Variants in ZNF564 observed in about 807,000 individuals in gnomAD.
ZNF564 encodes zinc finger protein 564.
A neutral mutation model predicts 10.5 loss-of-function variants in ZNF564; 5 were observed. The ratio of observed to expected loss-of-function variants is 0.48; its 90% CI spans 0.25 to 1.00. The LOEUF is 1.00. ZNF564 is among the 50% of genes least tolerant of loss of function. The pLI is 0.16. For missense variants in ZNF564, 603 were observed against 669.7 expected (o/e 0.90, Z 1.10); for synonymous variants, 242 against 218.1 (o/e 1.11, Z -0.97).
chr19:12,530,284 C>T (rs992672845), intron 1 of ZNF564: 1 of 152,156 alleles, frequency 6.6e-6, no homozygotes, highest in Non-Finnish European at 1.5e-5. Flanking sequence ...TTGTTATAGA[C>T]TCACTGATTC....
At chr19:12,537,318 A>G (rs2021935121) in intron 1 of ZNF564, among the ~76,000 whole-genome samples, 1 of 152,208 alleles carries the variant, frequency 6.6e-6, no homozygotes, top group South Asian at 2.1e-4. Context: ...TATATACTGA[A>G]CATGTACAGA....
intron 1 of ZNF564, among the ~76,000 whole-genome samples, chr19:12,543,692 A>C (rs1271841358): frequency 6.6e-6 from 1 of 151,546 alleles, no homozygotes; most frequent in East Asian, 1.9e-4. Flanking sequence ...AAAAAAAAAA[A>C]AAAACAACTG....
At chr19:12,544,449 C>T (rs1342178485) in intron 1 of ZNF564, among the ~76,000 whole-genome samples, 1 of 152,162 alleles carries the variant, frequency 6.6e-6, no homozygotes, top group Non-Finnish European at 1.5e-5. Flanking sequence ...ATGGCTTTAA[C>T]TTTCTCATAC....
intron 1 of ZNF564, chr19:12,548,723 T>C: frequency 1.4e-6 from 1 of 694,024 alleles, no homozygotes; most frequent in Non-Finnish European, 2.6e-6. Context: ...TTATTGTTAC[T>C]TCCATGACAA....
At chr19:12,551,227 C>T in intron 1 of ZNF564, 103 bp downstream of exon 1, 2 of 1,363,422 alleles carry the variant, frequency 1.5e-6, no homozygotes, top group South Asian at 1.2e-5. Flanking sequence ...GGTCCCAGAC[C>T]CTGGAGTCGC....
Position 12,526,262 on chromosome 19 carries a change from C to G in ZNF564, c.*184G>C. 1 of 568,470 alleles carries G rather than the reference C, an allele frequency of 1.8e-6. No homozygotes were observed. Among genetic ancestry groups the G allele is most frequent in the Non-Finnish European group, 2.9e-6 (1 of 340,234 alleles). The allele number at this position is 568,470 out of a possible 1,614,324, so 35.2% of individuals were successfully genotyped here. On this transcript the variant is annotated 3_prime_UTR_variant, in exon 4 of 4. Coordinates refer to ENST00000339282, the MANE Select transcript of ZNF564 (RefSeq NM_144976.4). ...GGCAAAATTCTTCTTCAGCTCCGAA[C>G]CGGTGAAAACCAAACTAGTCATGTA...
At chr19:12,551,148 G>A (rs960595573) in intron 1 of ZNF564, among the ~76,000 whole-genome samples, 182 bp downstream of exon 1, 1 of 152,276 alleles carries the variant, frequency 6.6e-6, no homozygotes, top group African/African-American at 2.4e-5. Context: ...GGACGCCTGG[G>A]GTACTGGCTA....
At chr19:12,528,905 G>C (rs2021745455) in intron 1 of ZNF564, among the ~76,000 whole-genome samples, 1 of 152,096 alleles carries the variant, frequency 6.6e-6, no homozygotes, top group African/African-American at 2.4e-5. Flanking sequence ...CTCTACTACA[G>C]ATATATGAAT....
At chr19:12,528,791 T>TG (rs1355219973) in intron 1 of ZNF564, 95 bp from the exon 2 acceptor site, 1 of 1,386,734 alleles carries the variant, frequency 7.2e-7, no homozygotes, top group African/African-American at 1.5e-5. Flanking sequence ...TGGCTAGGTG[T>TG]GGTGGCTCAT....
chr19:12,545,293 AG>A (rs1478724831), intron 1 of ZNF564, among the ~76,000 whole-genome samples: 5 of 148,816 alleles, frequency 3.4e-5, no homozygotes, highest in Non-Finnish European at 7.4e-5. Context: ...GAAATGAGTG[AG>A]GGAAACATCC....
At position 12,551,364 on chromosome 19, in the gene ZNF564, C is replaced by T; in HGVS notation, c.-32G>A. ...GCTTCCAGGGTGTCCCGGGGTCCTG[C>T]CTACGGCTCTCTCCGGCCTGTGCAG... On this transcript the variant is annotated 5_prime_UTR_variant, in exon 1 of 4. Coordinates refer to ENST00000339282, the MANE Select transcript of ZNF564 (RefSeq NM_144976.4). The T allele has an allele frequency of 6.3e-7, 1 of 1,596,920 alleles. No individual in the cohort carries two copies. Among genetic ancestry groups the T allele is most frequent in the African/African-American group, 1.3e-5 (1 of 74,356 alleles).
chr19:12,530,514 G>A (rs959828266), intron 1 of ZNF564, among the ~76,000 whole-genome samples: 1 of 152,040 alleles, frequency 6.6e-6, no homozygotes, highest in Admixed American at 6.6e-5. Context: ...TACATAACAA[G>A]GTACCCTATG....
In ZNF564 at chr19:12,534,699, A is replaced by G. The variant is rs541090713; in HGVS notation, c.4-6003T>C. 4.6e-5 allele frequency among the ~76,000 whole-genome samples: 7 copies of G among 152,274 alleles called. No homozygotes were observed. The East Asian group carries it at 1.4e-3, about 29-fold the overall frequency. On this transcript the variant is annotated intron_variant, in intron 1 of 3. Coordinates refer to ENST00000339282, the MANE Select transcript of ZNF564 (RefSeq NM_144976.4). ...CATGGTGGCACATGCATGTAATCCCAGCTACTCGAGAGGCTGAAGCAGGAG... is the reference window on the plus strand; with the variant it reads ...CATGGTGGCACATGCATGTAATCCCGGCTACTCGAGAGGCTGAAGCAGGAG...
At position 12,526,467 on chromosome 19, in the gene ZNF564, C is replaced by A. The variant is rs753673731; in HGVS notation, c.1641G>T (p.Ser547=). Residue 547 remains serine (S), a synonymous_variant, in exon 4 of 4, where the codon TCG becomes TCT. Transcript: ENST00000339282. ...VGKLSFITQP[S]NTCENE is the part of the protein sequence containing the mutation. Reference sequence around the variant, plus strand: ...TCCACTATTCATTTTCACAGGTATTCGAAGGTTGTGTGATAAATGAAAGCT... The same window carrying A: ...TCCACTATTCATTTTCACAGGTATTAGAAGGTTGTGTGATAAATGAAAGCT... 2.5e-6 allele frequency: 4 copies of A among 1,598,662 alleles called. No homozygotes were observed. Among genetic ancestry groups the A allele is most frequent in the Non-Finnish European group, 3.4e-6 (4 of 1,173,612 alleles).
chr19:12,528,242 T>C, intron 3 of ZNF564, 62 bp downstream of exon 3: 1 of 1,475,562 alleles, frequency 6.8e-7, no homozygotes, highest in East Asian at 2.3e-5. Flanking sequence ...TGTTTACTTA[T>C]TTTTAAAATT....
chr19:12,545,083 A>AC (rs927907715), intron 1 of ZNF564, among the ~76,000 whole-genome samples: 8 of 151,382 alleles, frequency 5.3e-5, no homozygotes, highest in Non-Finnish European at 1.0e-4. Flanking sequence ...ACACGGAGAA[A>AC]CCCCCCGTCT....
chr19:12,542,672 AGG>A, intron 1 of ZNF564, among the ~76,000 whole-genome samples: 1 of 151,624 alleles, frequency 6.6e-6, no homozygotes, highest in Admixed American at 6.6e-5. Context: ...AAAAAAGGAA[AGG>A]AAGGAAGGAA....
Position 12,527,885 on chromosome 19 carries a change from T to C in ZNF564, c.223A>G (p.Lys75Glu). The C allele has an allele frequency of 1.2e-6, 2 of 1,609,598 alleles. No individual in the cohort carries two copies. The highest frequency in any genetic ancestry group is 1.7e-6 in the Non-Finnish European group (2 of 1,177,486). The change falls in exon 4 of 4, where the codon AAA (lysine) becomes GAA (glutamate). Residue 75 changes from lysine (K) to glutamate (E), a missense_variant. By Grantham distance (56) the Lys-to-Glu change is moderately conservative. Coordinates refer to ENST00000339282, the MANE Select transcript of ZNF564 (RefSeq NM_144976.4). Reference sequence around the variant, plus strand: ...GCTTCTCCACATTGATCATATTCTTTACTTTCACTGAGTCCCTCTTCCATA... The same window carrying C: ...GCTTCTCCACATTGATCATATTCTTCACTTTCACTGAGTCCCTCTTCCATA... ...NHMEEGLSESKEYDQCGEAFS... is the reference protein window; with the variant it reads ...NHMEEGLSESEEYDQCGEAFS...
In ZNF564 at chr19:12,528,443, G is replaced by A. The variant is rs2021736088; in HGVS notation, c.131-79C>T. 32 of 1,573,228 alleles carry A rather than the reference G, an allele frequency of 2.0e-5. No individual in the cohort carries two copies. In the East Asian group the frequency reaches 2.9e-4, roughly 14 times the overall value. ...GACTAGATTCTAAGTTCATGATAAG[G>A]TGCAAACAACCCTGATTTATTCACC... On this transcript the variant is annotated intron_variant, in intron 2 of 3. Coordinates refer to ENST00000339282, the MANE Select transcript of ZNF564 (RefSeq NM_144976.4).
Sources: gnomAD v4.1 joint callset for allele counts (sites outside exome capture counted in the v4.1 genomes callset) on GRCh38, gnomAD v4.1.1 for gene constraint, MANE v1.5 for transcripts, NCBI Gene and HGNC (gene_info 2026-07-23, HGNC 2026-07-21) for gene names.